The following CSMD1 variants were observed in gnomAD, a reference collection of about 807,000 sequenced individuals.
The protein encoded by CSMD1 is CUB and sushi domain-containing protein 1.
Under a neutral mutation model 417.5 loss-of-function variants are expected in CSMD1, and 213 were observed. The observed-to-expected ratio is 0.51, with a 90% CI of 0.46 to 0.57. The LOEUF is 0.57. CSMD1 is among the 20% of genes least tolerant of loss of function. The pLI is 0.00. For synonymous variants in CSMD1, 2,862 were observed against 1,736.8 expected (o/e 1.65, Z -16.11); for missense variants, 6,923 against 4,529.7 (o/e 1.53, Z -15.17).
chr8:4,713,025 G>A (rs2725084), intron 1 of CSMD1, among the ~76,000 whole-genome samples: 2 of 152,176 alleles, frequency 1.3e-5, no homozygotes, highest in African/African-American at 2.4e-5. Context: ...TGACTACAAG[G>A]TGTGATCTTA....
chr8:3,692,381 G>A (rs1160416538), intron 7 of CSMD1, among the ~76,000 whole-genome samples: 3 of 152,102 alleles, frequency 2.0e-5, no homozygotes, highest in South Asian at 4.1e-4. Flanking sequence ...GCTTTCTGTG[G>A]AGCTTGTCAC....
At chr8:3,735,004 G>C (rs543543314) in intron 6 of CSMD1, among the ~76,000 whole-genome samples, 3 of 152,330 alleles carry the variant, frequency 2.0e-5, no homozygotes, top group Admixed American at 6.5e-5. Flanking sequence ...TGCAAAGAGA[G>C]GAGTGAGGAG....
chr8:4,595,337 G>T (rs550673072), intron 2 of CSMD1, among the ~76,000 whole-genome samples: 1 of 151,992 alleles, frequency 6.6e-6, no homozygotes, highest in Non-Finnish European at 1.5e-5. Flanking sequence ...TAATCATGTC[G>T]ATTCAACAAT....
intron 26 of CSMD1, among the ~76,000 whole-genome samples, chr8:3,230,786 C>G (rs969611808): frequency 1.3e-5 from 2 of 152,132 alleles, no homozygotes; most frequent in South Asian, 4.1e-4. Context: ...CCCCCTTTCA[C>G]TCACCCAAAA....
At chr8:4,331,476 G>T (rs909685702) in intron 3 of CSMD1, among the ~76,000 whole-genome samples, 1 of 151,348 alleles carries the variant, frequency 6.6e-6, no homozygotes, top group Non-Finnish European at 1.5e-5. Flanking sequence ...CCTTCTTTTG[G>T]GTTTTGGGTT....
chr8:3,503,358 C>T (rs1003365621), intron 10 of CSMD1, among the ~76,000 whole-genome samples: 1 of 152,202 alleles, frequency 6.6e-6, no homozygotes, highest in Admixed American at 6.5e-5. Context: ...TCAAATGTAA[C>T]TATATGACTA....
intron 23 of CSMD1, among the ~76,000 whole-genome samples, chr8:3,334,490 T>A (rs1482598446): frequency 1.3e-5 from 2 of 152,216 alleles, no homozygotes; most frequent in African/African-American, 4.8e-5. Context: ...TCATTTATAA[T>A]AGTATATTTA....
intron 30 of CSMD1, among the ~76,000 whole-genome samples, chr8:3,212,590 G>A (rs1263942815): frequency 6.6e-6 from 1 of 152,112 alleles, no homozygotes; most frequent in African/African-American, 2.4e-5. Flanking sequence ...CTGAGCTCAA[G>A]GGATCCACTA....
intron 3 of CSMD1, among the ~76,000 whole-genome samples, chr8:4,394,767 G>T (rs1804087356): frequency 6.6e-6 from 1 of 152,138 alleles, no homozygotes; most frequent in African/African-American, 2.4e-5. Context: ...AGATCCATCT[G>T]CACCTTCCTG....
In CSMD1 at chr8:3,774,950, C is replaced by T. The variant is rs550923843; in HGVS notation, c.819-20908G>A. On this transcript the variant is annotated intron_variant, in intron 5 of 69. Coordinates refer to ENST00000635120, the MANE Select transcript of CSMD1 (RefSeq NM_033225.6). Reference sequence around the variant, plus strand: ...ACTGACTGACCAGCGAGACGGGAAACAGGTAGCATATACACAGCAATGCAC... The same window carrying T: ...ACTGACTGACCAGCGAGACGGGAAATAGGTAGCATATACACAGCAATGCAC... 1.8e-4 allele frequency among the ~76,000 whole-genome samples: 28 copies of T among 152,138 alleles called. No homozygotes were observed. In the South Asian group the frequency reaches 5.8e-3, roughly 32 times the overall value.
chr8:3,647,619 G>C (rs905359008), intron 7 of CSMD1, among the ~76,000 whole-genome samples: 4 of 152,178 alleles, frequency 2.6e-5, no homozygotes, highest in Admixed American at 6.5e-5. Context: ...CATTTGAAAT[G>C]TGGTATGCTG....
intron 2 of CSMD1, among the ~76,000 whole-genome samples, chr8:4,549,068 C>T (rs1797751855): frequency 6.6e-6 from 1 of 152,044 alleles, no homozygotes; most frequent in South Asian, 2.1e-4. Context: ...TTTTTAACTT[C>T]ATTAACTTCA....
intron 2 of CSMD1, among the ~76,000 whole-genome samples, chr8:4,503,424 A>G (rs774977128): frequency 6.6e-6 from 1 of 152,198 alleles, no homozygotes; most frequent in Non-Finnish European, 1.5e-5. Flanking sequence ...TCGAGAAAAT[A>G]CATTTATATT....
chr8:3,728,487 T>C (rs1316591364), intron 6 of CSMD1, among the ~76,000 whole-genome samples: 3 of 152,140 alleles, frequency 2.0e-5, no homozygotes, highest in Non-Finnish European at 4.4e-5. Flanking sequence ...GAGTAGCAAA[T>C]AATAAGTAAA....
At chr8:4,641,172 T>C (rs1424387523) in intron 1 of CSMD1, among the ~76,000 whole-genome samples, 3 of 151,712 alleles carry the variant, frequency 2.0e-5, no homozygotes, top group Admixed American at 1.3e-4. Context: ...GAAACATACA[T>C]GCAACATTGT....
At chr8:4,945,990 G>C (rs544072761) in intron 1 of CSMD1, among the ~76,000 whole-genome samples, 2 of 152,308 alleles carry the variant, frequency 1.3e-5, no homozygotes, top group South Asian at 2.1e-4. Flanking sequence ...AGACACGGTA[G>C]AGACCTGTAA....
intron 1 of CSMD1, among the ~76,000 whole-genome samples, chr8:4,661,844 G>A (rs1040626855): frequency 6.6e-6 from 1 of 152,204 alleles, no homozygotes; most frequent in African/African-American, 2.4e-5. Flanking sequence ...AGAAGTTGTA[G>A]AATGTTAATG....
intron 3 of CSMD1, among the ~76,000 whole-genome samples, chr8:4,298,408 T>G (rs1032142173): frequency 6.6e-6 from 1 of 152,140 alleles, no homozygotes; most frequent in African/African-American, 2.4e-5. Context: ...AATACCATAC[T>G]AGACACTAGA....
intron 12 of CSMD1, among the ~76,000 whole-genome samples, chr8:3,454,787 G>T (rs539617808): frequency 1.2e-4 from 18 of 152,226 alleles, no homozygotes; most frequent in African/African-American, 4.1e-4. Context: ...ACAATTATGT[G>T]TCTTTGAGTT....
Sources: allele counts gnomAD v4.1 joint callset (sites outside exome capture counted in the v4.1 genomes callset), GRCh38; gene constraint gnomAD v4.1.1; transcripts MANE v1.5; gene names NCBI Gene and HGNC (gene_info 2026-07-23, HGNC 2026-07-21).